The following ZNF462 variants were observed in gnomAD, a reference collection of about 807,000 sequenced individuals.
ZNF462 encodes zinc finger PBX1-interacting protein.
In ZNF462, 10 loss-of-function variants were observed where a neutral mutation model predicts 201.9. That is an observed-to-expected ratio of 0.05 (90% confidence interval 0.03 to 0.08). The LOEUF is 0.08. ZNF462 is among the 10% of genes least tolerant of loss of function. The pLI is 1.00. For missense variants in ZNF462, 2,523 were observed against 3,168.3 expected, an observed-to-expected ratio of 0.80 and a Z score of 4.89; for synonymous variants, 1,227 against 1,193.3, an observed-to-expected ratio of 1.03 and a Z score of -0.58.
rs540490700 is a variant in ZNF462 at position 107,006,015 on chromosome 9, G to T, written c.7189+2589G>T. 3.3e-5 allele frequency among the ~76,000 whole-genome samples: 5 copies of T among 152,166 alleles called. No individual in the cohort carries two copies. The East Asian group carries it at 7.7e-4, about 24-fold the overall frequency. On this transcript the variant is annotated intron_variant, in intron 11 of 12. Coordinates refer to ENST00000277225, the MANE Select transcript of ZNF462 (RefSeq NM_021224.6). This position sits in a 1 kb window ranked among gnomAD's most constrained non-coding sequence, Gnocchi z 4.3. ...TGTGAATGTGTGGATTTATTTCTGGGCTCTCTATTCTGTTCTGTTGGTCTG... is the reference window on the plus strand; with the variant it reads ...TGTGAATGTGTGGATTTATTTCTGGTCTCTCTATTCTGTTCTGTTGGTCTG...
intron 1 of ZNF462, among the ~76,000 whole-genome samples, chr9:106,874,904 C>A (rs75595691): frequency 0.017 from 2,554 of 152,284 alleles, 78 homozygotes; most frequent in African/African-American, 0.058. Flanking sequence ...ATGAACATCA[C>A]CCATAGGTCC....
Position 106,928,833 on chromosome 9 carries a change from G to A in ZNF462, c.4921G>A (p.Glu1641Lys), listed in dbSNP as rs1260536122. The A allele has an allele frequency of 3.1e-6, 5 of 1,614,120 alleles. No individual in the cohort carries two copies. The highest frequency in any genetic ancestry group is 4.2e-6 in the Non-Finnish European group (5 of 1,180,040). Residue 1641 changes from glutamate (E) to lysine (K), a missense_variant, in exon 3 of 13, where the codon GAG (glutamate) becomes AAG (lysine). Coordinates refer to ENST00000277225, the MANE Select transcript of ZNF462 (RefSeq NM_021224.6). This position sits in a 1 kb window ranked among gnomAD's most constrained non-coding sequence, Gnocchi z 9.3. ...CTCCATCACTGAGGAGGAGGTGGGA[G>A]AGGAGCCCGTGTCCACTTCTCACTT... ...QVSITEEEVGEEPVSTSHFST... is the reference protein window; with the variant it reads ...QVSITEEEVGKEPVSTSHFST...
In ZNF462 at chr9:106,926,729, C is replaced by T. The variant is rs753937319; in HGVS notation, c.2817C>T (p.Ser939=). 8 of 1,613,972 alleles carry T rather than the reference C, an allele frequency of 5.0e-6. No individual in the cohort carries two copies. Among genetic ancestry groups the T allele is most frequent in the Non-Finnish European group, 6.8e-6 (8 of 1,180,022 alleles). ...CATACACGAGCCCGAATGTTAGAAG[C>T]CTGATGCCACATTACCAAAGAATGC... ...FCSYTSPNVR[S]LMPHYQRMHP... The change falls in exon 3 of 13, where the codon AGC becomes AGT. Residue 939 remains serine, a synonymous_variant. Transcript: ENST00000277225. This position sits in a 1 kb window ranked among gnomAD's most constrained non-coding sequence, Gnocchi z 7.9.
rs146859651 is a variant in ZNF462, at chr9:106,935,717, T to C, written c.6235+96T>C. The C allele has an allele frequency of 2.7e-4, 243 of 901,724 alleles. 2 individuals carry two copies. In the East Asian group the frequency reaches 6.1e-3, roughly 23 times the overall value. 55.9% of individuals were successfully genotyped at this position (901,724 alleles called of 1,614,324 possible). On this transcript the variant is annotated intron_variant, in intron 6 of 12. Coordinates refer to ENST00000277225, the MANE Select transcript of ZNF462 (RefSeq NM_021224.6). This position sits in a 1 kb window ranked among gnomAD's most constrained non-coding sequence, Gnocchi z 4.1. ...AGTGAAATACTGTCCTGCCTTACAC[T>C]TGAGAATGTTATTCTTGGGATGGAT...
intron 10 of ZNF462, among the ~76,000 whole-genome samples, chr9:106,985,243 C>T (rs1827745704): frequency 6.6e-6 from 1 of 152,190 alleles, no homozygotes; most frequent in African/African-American, 2.4e-5. Flanking sequence ...GTTCCTCAAT[C>T]GTGTAGGTGG....
rs772522458 is a variant in ZNF462 at position 106,938,898 on chromosome 9, G to T, written c.6236-18G>T. 1 of 1,584,218 alleles carries T rather than the reference G, an allele frequency of 6.3e-7. No homozygotes were observed. The highest frequency in any genetic ancestry group is 8.6e-7 in the Non-Finnish European group (1 of 1,164,896). On this transcript the variant is annotated intron_variant, in intron 6 of 12. Transcript: ENST00000277225. The surrounding 1 kb of genome is among the most constrained non-coding windows in gnomAD (Gnocchi z 4.4). ...CCCTCTTTTTCCTGTTCTATTTCTT[G>T]TCACCATCCTCTTCCAGGTGAGCAT...
chr9:106,929,369 A>C lies in ZNF462; in HGVS notation c.5457A>C (p.Thr1819=). ...ATGCAGATGAGCATGAGAAGCCCAC[A>C]CTGATGGAAGAAGAGGAGAGAGGCA... The part of the protein sequence containing the change: ...AVYADEHEKP[T]LMEEEERGNF... Residue 1819 remains threonine, a synonymous_variant, in exon 3 of 13, where the codon ACA becomes ACC. Coordinates refer to ENST00000277225, the MANE Select transcript of ZNF462 (RefSeq NM_021224.6). The surrounding 1 kb of genome is among the most constrained non-coding windows in gnomAD (Gnocchi z 8.7). The C allele has an allele frequency of 6.2e-7, 1 of 1,614,114 alleles. No homozygotes were observed. The highest frequency in any genetic ancestry group is 8.5e-7 in the Non-Finnish European group (1 of 1,180,040).
chr9:106,862,069 C>T (rs1011599132), upstream of ZNF462, among the ~76,000 whole-genome samples: 21 of 152,084 alleles, frequency 1.4e-4, no homozygotes, highest in African/African-American at 4.6e-4. This position sits in a 1 kb window ranked among gnomAD's most constrained non-coding sequence, Gnocchi z 4.2. Flanking sequence ...TCTTTTCCTC[C>T]TCCACCCCCC....
At position 106,966,374 on chromosome 9, in the gene ZNF462, G is replaced by A. The variant is rs1008379537; in HGVS notation, c.6428-5631G>A. On this transcript the variant is annotated intron_variant, in intron 7 of 12. Transcript: ENST00000277225. The surrounding 1 kb of genome is among the most constrained non-coding windows in gnomAD (Gnocchi z 4.4). ...TTCTCCAAAATGTACGACTTAAGGT[G>A]GAGGTGTAGTGAGTTGAACGTTTAG... 2.0e-5 allele frequency among the ~76,000 whole-genome samples: 3 copies of A among 152,012 alleles called. No individual in the cohort carries two copies. The highest frequency in any genetic ancestry group is 7.2e-5 in the African/African-American group (3 of 41,398).
At chr9:106,910,910 A>G (rs981693279) in intron 1 of ZNF462, among the ~76,000 whole-genome samples, 11 of 152,060 alleles carry the variant, frequency 7.2e-5, no homozygotes, top group Admixed American at 1.3e-4. Flanking sequence ...TCAAATGACC[A>G]CTCTAAGCTT....
Position 106,938,850 on chromosome 9 carries a change from C to A in ZNF462, c.6236-66C>A, listed in dbSNP as rs543639808. 23 of 1,467,902 alleles carry A rather than the reference C, an allele frequency of 1.6e-5. No individual in the cohort carries two copies. The African/African-American group carries it at 3.1e-4, about 20-fold the overall frequency. 90.9% of individuals were successfully genotyped at this position (1,467,902 alleles called of 1,614,324 possible). The stretch of plus-strand genomic sequence containing the variant: ...TGAGTTAACTGAGTTATCTTGTTTC[C>A]ACCCTGGCCTTATACCCTTCTCCCC... On this transcript the variant is annotated intron_variant, in intron 6 of 12. Transcript: ENST00000277225. This position sits in a 1 kb window ranked among gnomAD's most constrained non-coding sequence, Gnocchi z 4.4.
At position 106,905,328 on chromosome 9, in the gene ZNF462, A is replaced by C. The variant is rs1829224505; in HGVS notation, c.-30-18026A>C. On this transcript the variant is annotated intron_variant, in intron 1 of 12. Transcript: ENST00000277225. This position sits in a 1 kb window ranked among gnomAD's most constrained non-coding sequence, Gnocchi z 5.9. ...CAGCACCTGTTCTGGTGGAGGTGGC[A>C]GAGTGTGCAATGGACTCTCTGAGGG... Among the ~76,000 whole-genome samples, 1 of 152,168 alleles carries C rather than the reference A, an allele frequency of 6.6e-6. No homozygotes were observed. Among genetic ancestry groups the C allele is most frequent in the South Asian group, 2.1e-4 (1 of 4,824 alleles).
chr9:106,931,377 G>T (rs1448113002), intron 4 of ZNF462, among the ~76,000 whole-genome samples: 1 of 152,144 alleles, frequency 6.6e-6, no homozygotes, highest in Non-Finnish European at 1.5e-5. Flanking sequence ...ATATTGCTAA[G>T]CCCTATTATT....
At chr9:106,867,023 T>C (rs1292038322) in intron 1 of ZNF462, among the ~76,000 whole-genome samples, 1 of 152,208 alleles carries the variant, frequency 6.6e-6, no homozygotes, top group Non-Finnish European at 1.5e-5. Context: ...CTCCACATTT[T>C]TTACTTTGCA....
At position 107,009,300 on chromosome 9, in the gene ZNF462, A is replaced by G; in HGVS notation, c.7190-245A>G. On this transcript the variant is annotated intron_variant, in intron 11 of 12. Coordinates refer to ENST00000277225, the MANE Select transcript of ZNF462 (RefSeq NM_021224.6). The surrounding 1 kb of genome is among the most constrained non-coding windows in gnomAD (Gnocchi z 6.1). ...AGTCAAGAAAGACCCAGATTTTGTGATAGAAGCATTGGGGAGGTGAGGCGA... is the reference window on the plus strand; with the variant it reads ...AGTCAAGAAAGACCCAGATTTTGTGGTAGAAGCATTGGGGAGGTGAGGCGA... 2.2e-6 allele frequency: 1 copy of G among 464,138 alleles called. No individual in the cohort carries two copies. The highest frequency in any genetic ancestry group is 3.8e-6 in the Non-Finnish European group (1 of 262,322). The allele number at this position is 464,138 out of a possible 1,614,324, so 28.8% of individuals were successfully genotyped here.
At position 106,917,053 on chromosome 9, in the gene ZNF462, G is replaced by T. The variant is rs1055025213; in HGVS notation, c.-30-6301G>T. Among the ~76,000 whole-genome samples, 1 of 152,150 alleles carries T rather than the reference G, an allele frequency of 6.6e-6. No individual in the cohort carries two copies. Among genetic ancestry groups the T allele is most frequent in the Non-Finnish European group, 1.5e-5 (1 of 68,024 alleles). ...TGGCAGACTGCCTATTGGCCTGTTG[G>T]CCTCAATTAGCCTTATATCATTGCA... On this transcript the variant is annotated intron_variant, in intron 1 of 12. Transcript: ENST00000277225. This position sits in a 1 kb window ranked among gnomAD's most constrained non-coding sequence, Gnocchi z 4.5.
rs1829911548 is a variant in ZNF462 at position 107,011,284 on chromosome 9, C to T, written c.*254C>T. On this transcript the variant is annotated 3_prime_UTR_variant, in exon 13 of 13. Coordinates refer to ENST00000277225, the MANE Select transcript of ZNF462 (RefSeq NM_021224.6). This position sits in a 1 kb window ranked among gnomAD's most constrained non-coding sequence, Gnocchi z 5.6. Reference sequence around the variant, plus strand: ...TTCCGGATCTTCATCATGGAAGTTTCATTTGTTGCGGAATATGGAAGCACC... The same window carrying T: ...TTCCGGATCTTCATCATGGAAGTTTTATTTGTTGCGGAATATGGAAGCACC... The T allele has an allele frequency of 2.3e-6, 1 of 443,036 alleles. No individual in the cohort carries two copies. Among genetic ancestry groups the T allele is most frequent in the South Asian group, 2.3e-5 (1 of 43,410 alleles). The allele number at this position is 443,036 out of a possible 1,614,324, so 27.4% of individuals were successfully genotyped here.
rs1372472170 is a variant in ZNF462, at chr9:106,935,589, G to T, written c.6203G>T (p.Arg2068Leu). The T allele has an allele frequency of 1.2e-6, 2 of 1,613,888 alleles. No individual in the cohort carries two copies. The highest frequency in any genetic ancestry group is 2.2e-5 in the South Asian group (2 of 91,068). ...LCSFKSSYNS[R>L]LKTHILKAHA... ...TCCTTCAAGTCCTCCTATAACAGCC[G>T]GCTGAAAACACATATACTCAAAGCT... Residue 2068 changes from arginine (R) to leucine (L), a missense_variant, in exon 6 of 13, where the codon CGG becomes CTG. This residue lies in a region of ZNF462 where 138 missense variants were observed against 146.3 expected (regional missense o/e 0.94). Transcript: ENST00000277225. This position sits in a 1 kb window ranked among gnomAD's most constrained non-coding sequence, Gnocchi z 4.1.
chr9:106,983,872 T>G (rs1380975755), intron 9 of ZNF462, among the ~76,000 whole-genome samples: 1 of 152,198 alleles, frequency 6.6e-6, no homozygotes, highest in Non-Finnish European at 1.5e-5. Context: ...CAGCTACTTC[T>G]ATTCCTCCCC....
Sources: allele counts gnomAD v4.1 joint callset (sites outside exome capture counted in the v4.1 genomes callset), GRCh38; gene constraint gnomAD v4.1.1; regional missense constraint gnomAD v4.1.1; non-coding constraint Gnocchi (gnomAD v3.1); transcripts MANE v1.5; gene names NCBI Gene and HGNC (gene_info 2026-07-23, HGNC 2026-07-21).